Variants in STARD13 observed in about 807,000 individuals in gnomAD.
STARD13 encodes the protein stAR-related lipid transfer protein 13.
Under a neutral mutation model 106.4 loss-of-function variants are expected in STARD13, and 62 were observed. The observed-to-expected ratio is 0.58, with a 90% CI of 0.48 to 0.72. The LOEUF (loss-of-function observed/expected upper bound fraction) is 0.72. Among genes scored for constraint, STARD13 ranks in the 30% least tolerant of loss-of-function variants. The pLI is 0.00. For synonymous variants in STARD13, 565 were observed against 553.0 expected, an observed-to-expected ratio of 1.02 and a Z score of -0.31; for missense variants, 1,387 against 1,424.0, an observed-to-expected ratio of 0.97 and a Z score of 0.42.
chr13:33,548,275 C>T, the STARD13 span, among the ~76,000 whole-genome samples: 1 of 152,094 alleles, frequency 6.6e-6, no homozygotes, highest in Non-Finnish European at 1.5e-5. Flanking sequence ...ACATGGATGA[C>T]TGCTGAAAAA....
rs182681078 is a variant in STARD13, at chr13:33,333,505, T to G, written c.124+16785A>C. 8.2e-4 allele frequency among the ~76,000 whole-genome samples: 125 copies of G among 152,288 alleles called. 1 individual carries two copies. The East Asian group carries it at 0.023, about 27-fold the overall frequency. On this transcript the variant is annotated intron_variant, in intron 1 of 5. Transcript: ENST00000567873. ...TAGCTGTAAAATGAAAATTTCCAAT[T>G]GCACCTTAGAAGGAGGCTGGAGGGT...
the STARD13 span, among the ~76,000 whole-genome samples, chr13:33,664,872 C>T: frequency 3.6e-4 from 55 of 152,290 alleles, 1 homozygote; most frequent in Non-Finnish European, 6.6e-4. Flanking sequence ...ATGATCCGCC[C>T]GCCTCGGCCT....
At chr13:33,361,752 T>A in the STARD13 span, among the ~76,000 whole-genome samples, 1 of 151,994 alleles carries the variant, frequency 6.6e-6, no homozygotes, top group Non-Finnish European at 1.5e-5. Context: ...AACAACCAGA[T>A]CTCATGAGAA....
At position 33,109,960 on chromosome 13, in the gene STARD13, A is replaced by G. The variant is rs1234471389; in HGVS notation, c.2960T>C (p.Val987Ala). The G allele has an allele frequency of 1.2e-6, 2 of 1,614,108 alleles. No homozygotes were observed. Among genetic ancestry groups the G allele is most frequent in the East Asian group, 2.2e-5 (1 of 44,904 alleles). Residue 987 changes from valine (V) to alanine (A), a missense_variant, in exon 12 of 14, where the codon GTG becomes GCG. Coordinates refer to ENST00000336934, the MANE Select transcript of STARD13 (RefSeq NM_178006.4). The part of the protein sequence containing the change: ...WDEDFVQWKV[V>A]ETLDRQTEIY... ...CTCTGTTTGCCTGTCTAGAGTTTCC[A>G]CAACCTTCCACTGCACAAAGTCCTC...
intron 1 of STARD13, among the ~76,000 whole-genome samples, chr13:33,238,480 T>G (rs187232890): frequency 2.8e-4 from 43 of 152,242 alleles, no homozygotes; most frequent in Non-Finnish European, 4.9e-4. Context: ...CAGCATAGAC[T>G]TAAAAGTAGA....
chr13:33,461,399 G>T, the STARD13 span, among the ~76,000 whole-genome samples: 2 of 152,118 alleles, frequency 1.3e-5, no homozygotes, highest in African/African-American at 4.8e-5. Context: ...GCTAAGTTTT[G>T]TCATCTAATC....
rs371077363 is a variant in STARD13 at position 33,292,475 on chromosome 13, C to T, written c.124+57815G>A. 1.3e-3 allele frequency among the ~76,000 whole-genome samples: 203 copies of T among 151,760 alleles called. 2 individuals are homozygous for T. Among genetic ancestry groups the T allele is most frequent in the African/African-American group, 4.7e-3 (195 of 41,354 alleles). The stretch of plus-strand genomic sequence containing the variant: ...ACTTAGCCAGGCATGGTTGTGAGGG[C>T]CTGTAGTCCCATCTAATTGGAAGGC... On this transcript the variant is annotated intron_variant, in intron 1 of 5. Coordinates refer to the STARD13 transcript ENST00000567873.
At chr13:33,448,853 GC>G in the STARD13 span, among the ~76,000 whole-genome samples, 4 of 152,042 alleles carry the variant, frequency 2.6e-5, no homozygotes, top group Non-Finnish European at 4.4e-5. Flanking sequence ...AAAATGTTGA[GC>G]TTTTTTTCAT....
At chr13:33,408,095 T>G in the STARD13 span, among the ~76,000 whole-genome samples, 1 of 152,144 alleles carries the variant, frequency 6.6e-6, no homozygotes, top group Non-Finnish European at 1.5e-5. Flanking sequence ...CTTACTTCTG[T>G]GTGTTAGTAG....
chr13:33,532,038 C>T, the STARD13 span, among the ~76,000 whole-genome samples: 1 of 152,114 alleles, frequency 6.6e-6, no homozygotes, highest in African/African-American at 2.4e-5. Flanking sequence ...TTCCTCTTAG[C>T]CTTCATTTAG....
chr13:33,144,511 G>A (rs144920094), intron 3 of STARD13, among the ~76,000 whole-genome samples: 102 of 152,206 alleles, frequency 6.7e-4, no homozygotes, highest in Middle Eastern at 3.4e-3. Flanking sequence ...TTTTTCTCAC[G>A]TCGCTCACCG....
intron 4 of STARD13, among the ~76,000 whole-genome samples, chr13:33,135,427 G>T (rs1335969073): frequency 6.6e-6 from 1 of 152,186 alleles, no homozygotes; most frequent in African/African-American, 2.4e-5. Context: ...GCATGGTACT[G>T]GTGTGTGGTC....
At chr13:33,114,763 A>G (rs1457595108) in intron 8 of STARD13, among the ~76,000 whole-genome samples, 2 of 152,010 alleles carry the variant, frequency 1.3e-5, no homozygotes, top group Non-Finnish European at 2.9e-5. Context: ...TCATCTCTAT[A>G]TGTTGTCTCA....
chr13:33,410,015 T>G, the STARD13 span, among the ~76,000 whole-genome samples: 1 of 152,244 alleles, frequency 6.6e-6, no homozygotes, highest in African/African-American at 2.4e-5. Context: ...TGGTCTGTGT[T>G]GCACACCATG....
chr13:33,351,023 T>A (rs1216659693), upstream of STARD13, among the ~76,000 whole-genome samples: 3 of 152,232 alleles, frequency 2.0e-5, no homozygotes, highest in Non-Finnish European at 2.9e-5. Flanking sequence ...TTCAAGTTAC[T>A]TGAAGTCAGC....
chr13:33,642,487 C>T, the STARD13 span, among the ~76,000 whole-genome samples: 1 of 152,208 alleles, frequency 6.6e-6, no homozygotes, highest in African/African-American at 2.4e-5. Context: ...TCAGGCACTT[C>T]CTGTGCTTCA....
At chr13:33,305,776 G>A (rs1892883658) in intron 1 of STARD13, among the ~76,000 whole-genome samples, 1 of 152,192 alleles carries the variant, frequency 6.6e-6, no homozygotes, top group African/African-American at 2.4e-5. Context: ...TCTGAGATAT[G>A]TGTTAAGATC....
the STARD13 span, among the ~76,000 whole-genome samples, chr13:33,389,969 T>C: frequency 2.0e-5 from 3 of 152,062 alleles, no homozygotes; most frequent in African/African-American, 7.3e-5. Flanking sequence ...AAATATCAGT[T>C]GAAGAAACAG....
the STARD13 span, among the ~76,000 whole-genome samples, chr13:33,616,189 GGGAGAAGGGAGGGAAAAGGAGA>G: frequency 6.6e-6 from 1 of 150,650 alleles, no homozygotes; most frequent in East Asian, 1.9e-4. Flanking sequence ...GGAAATGGAG[GGGAGAAGGGAGGGAAAAGGAGA>G]GGAGAGGAGA....
Sources: gnomAD v4.1 joint callset for allele counts (sites outside exome capture counted in the v4.1 genomes callset) on GRCh38, gnomAD v4.1.1 for gene constraint, MANE v1.5 for transcripts, NCBI Gene and HGNC (gene_info 2026-07-23, HGNC 2026-07-21) for gene names.